The following CSF2RB variants were observed in gnomAD, a reference collection of about 807,000 sequenced individuals.
CSF2RB encodes cytokine receptor common subunit beta.
A neutral mutation model predicts 67.2 loss-of-function variants in CSF2RB; 22 were observed. That is an observed-to-expected ratio of 0.33 (90% CI 0.23 to 0.47). The LOEUF (loss-of-function observed/expected upper bound fraction) is 0.47. Among genes scored for constraint, CSF2RB ranks in the 20% least tolerant of loss-of-function variants. CSF2RB has a pLI of 1.00. For missense variants in CSF2RB, 1,113 were observed against 1,174.5 expected, an observed-to-expected ratio of 0.95 and a Z score of 0.76; for synonymous variants, 507 against 482.9, an observed-to-expected ratio of 1.05 and a Z score of -0.65.
chr22:36,938,132 G>A lies in CSF2RB; in HGVS notation c.2324G>A (p.Arg775Gln), dbSNP rs751339649. Reference protein sequence around the residue: ...GYVELPPIEGRSPRSPRNNPV... With the variant: ...GYVELPPIEGQSPRSPRNNPV... ...GTGGAGCTCCCTCCAATTGAGGGCC[G>A]GTCCCCCAGGTCACCAAGGAACAAT... The change falls in exon 14 of 14, where the codon CGG (arginine) becomes CAG (glutamine). Residue 775 changes from arginine to glutamine, a missense_variant. Coordinates refer to ENST00000403662, the MANE Select transcript of CSF2RB (RefSeq NM_000395.3). The A allele has an allele frequency of 2.1e-5, 34 of 1,613,836 alleles. No homozygotes were observed. Among genetic ancestry groups the A allele is most frequent in the South Asian group, 1.2e-4 (11 of 91,080 alleles).
intron 3 of CSF2RB, among the ~76,000 whole-genome samples, chr22:36,925,083 T>C (rs1489117063): frequency 6.6e-6 from 1 of 152,250 alleles, no homozygotes. Context: ...TCACCCGAGC[T>C]GCGCTGCTGC....
At position 36,930,488 on chromosome 22, in the gene CSF2RB, T is replaced by C. The variant is rs751261357; in HGVS notation, c.832T>C (p.Tyr278His). Residue 278 changes from tyrosine to histidine, a missense_variant, in exon 7 of 14, where the codon TAC becomes CAC. Physicochemically the swap from Tyr to His is moderately conservative, Grantham distance 83. Coordinates refer to ENST00000403662, the MANE Select transcript of CSF2RB (RefSeq NM_000395.3). The stretch of plus-strand genomic sequence containing the variant: ...CAGCTCGGTCTCCTTTGGCCTATTC[T>C]ACAAGCCCAGCCCAGATGCAGGGTG... The part of the protein sequence containing the change: ...VASSVSFGLF[Y>H]KPSPDAGEEE... 1.2e-6 allele frequency: 2 copies of C among 1,613,630 alleles called. No individual in the cohort carries two copies. Among genetic ancestry groups the C allele is most frequent in the Non-Finnish European group, 8.5e-7 (1 of 1,180,016 alleles).
chr22:36,929,254 A>G (rs1941092056), intron 4 of CSF2RB, 148 bp from the exon 5 acceptor site: 1 of 1,004,236 alleles, frequency 1.0e-6, no homozygotes, highest in Non-Finnish European at 1.5e-6. Flanking sequence ...GCTGAGGCTC[A>G]CAGAGGAGAC....
intron 8 of CSF2RB, among the ~76,000 whole-genome samples, chr22:36,931,852 C>T (rs1031758186): frequency 6.6e-6 from 1 of 152,178 alleles, no homozygotes; most frequent in Non-Finnish European, 1.5e-5. Flanking sequence ...AGGCCTGTTA[C>T]AGCCGCTTTA....
intron 3 of CSF2RB, chr22:36,923,725 CCCAG>C (rs1940938939): frequency 7.6e-7 from 1 of 1,309,100 alleles, no homozygotes; most frequent in Non-Finnish European, 1.0e-6. Context: ...GCCACGAAGC[CCCAG>C]CTGTGCCACT....
Position 36,937,818 on chromosome 22 carries a change from C to T in CSF2RB, c.2010C>T (p.Ser670=), listed in dbSNP as rs372963427. Residue 670 remains serine, a synonymous_variant, in exon 14 of 14, where the codon TCC becomes TCT. Coordinates refer to ENST00000403662, the MANE Select transcript of CSF2RB (RefSeq NM_000395.3). This position sits in a 1 kb window ranked among gnomAD's most constrained non-coding sequence, Gnocchi z 4.6. ...CTGCAGGGAGTCCCTCCCTGGAGTC[C>T]GGGGGAGGCCCTGCCCCTCCTGCTC... The part of the protein sequence containing the change: ...QGAAGSPSLE[S]GGGPAPPALG... 7.4e-5 allele frequency: 119 copies of T among 1,600,186 alleles called. No homozygotes were observed. The highest frequency in any genetic ancestry group is 9.4e-5 in the Non-Finnish European group (111 of 1,174,718).
intron 1 of CSF2RB, among the ~76,000 whole-genome samples, chr22:36,915,420 A>ATT (rs1053806222): frequency 1.8e-5 from 2 of 108,296 alleles, no homozygotes; most frequent in Non-Finnish European, 2.2e-5. Context: ...GGATTATTTT[A>ATT]TTTATATATA....
intron 1 of CSF2RB, among the ~76,000 whole-genome samples, chr22:36,919,486 C>G (rs893424685): frequency 2.0e-5 from 3 of 152,058 alleles, no homozygotes; most frequent in African/African-American, 4.8e-5. Flanking sequence ...ACTGCAACCT[C>G]CACCTCCCAG....
At chr22:36,922,425 T>G (rs1451057357) in intron 2 of CSF2RB, 142 bp downstream of exon 2, 3 of 756,470 alleles carry the variant, frequency 4.0e-6, no homozygotes, top group East Asian at 5.4e-5. Flanking sequence ...TGGCCTTCCC[T>G]GGGCCTCCCC....
At chr22:36,918,253 A>T (rs1940769619) in intron 1 of CSF2RB, among the ~76,000 whole-genome samples, 1 of 152,146 alleles carries the variant, frequency 6.6e-6, no homozygotes, top group South Asian at 2.1e-4. Context: ...CATACTCAAA[A>T]TTTTTTGTGT....
At chr22:36,913,861 G>A (rs546973275) in intron 1 of CSF2RB, among the ~76,000 whole-genome samples, 184 bp downstream of exon 1, 55 of 152,176 alleles carry the variant, frequency 3.6e-4, no homozygotes, top group Non-Finnish European at 6.8e-4. Context: ...CTCCTAGGGC[G>A]GCCAGTGGAT....
intron 3 of CSF2RB, chr22:36,923,872 C>T (rs1046511119): frequency 1.2e-5 from 13 of 1,062,722 alleles, no homozygotes; most frequent in South Asian, 1.1e-4. Flanking sequence ...GCTGTGTGGA[C>T]GTGTCTGGGA....
At chr22:36,936,770 G>C in intron 13 of CSF2RB, 118 bp downstream of exon 13, 1 of 857,102 alleles carries the variant, frequency 1.2e-6, no homozygotes, top group East Asian at 2.7e-5. Context: ...GGATCCAAGG[G>C]AGCTGGTTTG....
At chr22:36,918,871 C>T (rs570225849) in intron 1 of CSF2RB, among the ~76,000 whole-genome samples, 2 of 152,332 alleles carry the variant, frequency 1.3e-5, no homozygotes, top group Admixed American at 1.3e-4. Flanking sequence ...CATATGGCTT[C>T]CATCCTCAAG....
chr22:36,931,577 G>C (rs1345236700), intron 8 of CSF2RB, among the ~76,000 whole-genome samples: 3 of 152,246 alleles, frequency 2.0e-5, no homozygotes, highest in Non-Finnish European at 4.4e-5. Flanking sequence ...AAGGCATCAA[G>C]GTTATAAGCA....
intron 10 of CSF2RB, 100 bp from the exon 11 acceptor site, chr22:36,935,251 A>G: frequency 1.9e-6 from 2 of 1,063,934 alleles, no homozygotes; most frequent in East Asian, 5.1e-5. Context: ...GCCTGCACAG[A>G]GCGGGGTCTT....
chr22:36,927,376 G>T (rs891690409), intron 4 of CSF2RB, among the ~76,000 whole-genome samples: 9 of 152,110 alleles, frequency 5.9e-5, no homozygotes, highest in Non-Finnish European at 1.0e-4. Context: ...GGTGCCTCAT[G>T]CAGGGGGTAA....
At position 36,932,859 on chromosome 22, in the gene CSF2RB, C is replaced by G. The variant is rs139685237; in HGVS notation, c.1107C>G (p.Asp369Glu). ...ETMKMRYEHIDHTFEIQYRKD... is the reference protein window; with the variant it reads ...ETMKMRYEHIEHTFEIQYRKD... ...TGAAAATGCGATACGAACACATAGA[C>G]CACACATTTGAGATCCAGTACAGGA... The change falls in exon 9 of 14, where the codon GAC (aspartate) becomes GAG (glutamate). Residue 369 changes from aspartate to glutamate, a missense_variant. Coordinates refer to ENST00000403662, the MANE Select transcript of CSF2RB (RefSeq NM_000395.3). The G allele has an allele frequency of 3.4e-5, 55 of 1,614,170 alleles. No homozygotes were observed. Among genetic ancestry groups the G allele is most frequent in the Admixed American group, 8.3e-5 (5 of 60,032 alleles).
rs1367698880 is a variant in CSF2RB, at chr22:36,939,304, G to A, written c.*802G>A. Reference sequence around the variant, plus strand: ...GCTGGCGGGACCTGGGGAACATCAGGAGAGGAGTCCAGAGCCCACGTCTAC... The same window carrying A: ...GCTGGCGGGACCTGGGGAACATCAGAAGAGGAGTCCAGAGCCCACGTCTAC... On this transcript the variant is annotated 3_prime_UTR_variant, in exon 14 of 14. Transcript: ENST00000403662. 4 of 701,504 alleles carry A rather than the reference G, an allele frequency of 5.7e-6. No individual in the cohort carries two copies. The highest frequency in any genetic ancestry group is 1.0e-5 in the Non-Finnish European group (4 of 384,762). 43.5% of individuals were successfully genotyped at this position (701,504 alleles called of 1,614,324 possible).
Sources: allele counts gnomAD v4.1 joint callset (sites outside exome capture counted in the v4.1 genomes callset), GRCh38; gene constraint gnomAD v4.1.1; non-coding constraint Gnocchi (gnomAD v3.1); transcripts MANE v1.5; gene names NCBI Gene and HGNC (gene_info 2026-07-23, HGNC 2026-07-21).